CDH19: variants seen among roughly 807,000 people sequenced by gnomAD.
CDH19 encodes the protein cadherin-19.
A neutral mutation model predicts 64.2 loss-of-function variants in CDH19; 67 were observed. The ratio of observed to expected loss-of-function variants is 1.04; its 90% CI spans 0.86 to 1.28. CDH19 has a LOEUF of 1.28. Ranked by LOEUF, CDH19 falls within the 50% of genes most tolerant of loss-of-function variation. The pLI, the probability that CDH19 is intolerant of heterozygous loss-of-function variation, is 0.00. For synonymous variants in CDH19, 346 were observed against 319.3 expected, an observed-to-expected ratio of 1.08 and a Z score of -0.89; for missense variants, 1,030 against 929.0, an observed-to-expected ratio of 1.11 and a Z score of -1.41.
rs553040095 is a variant in CDH19 at position 66,503,476 on chromosome 18, T to G, written c.*1336A>C. ...AGTTGATCATAATATTTACAGTGAA[T>G]AGTAACTGAAGTTTGAATCCAGTAT... is the stretch of plus-strand genomic sequence containing the variant. On this transcript the variant is annotated 3_prime_UTR_variant, in exon 12 of 12. Coordinates refer to ENST00000262150, the MANE Select transcript of CDH19 (RefSeq NM_021153.4). The G allele has an allele frequency of 6.6e-6, 1 of 151,992 alleles. No homozygotes were observed. Among genetic ancestry groups the G allele is most frequent in the East Asian group, 1.9e-4 (1 of 5,172 alleles). The allele number at this position is 151,992 out of a possible 1,614,324, so 9.4% of individuals were successfully genotyped here.
chr18:66,554,856 A>G (rs566761539), intron 3 of CDH19, among the ~76,000 whole-genome samples: 1 of 151,984 alleles, frequency 6.6e-6, no homozygotes, highest in South Asian at 2.1e-4. Flanking sequence ...AAGGTGTATT[A>G]TTAGTGGAGA....
chr18:66,543,589 T>G (rs530045197), intron 7 of CDH19, among the ~76,000 whole-genome samples: 1 of 152,182 alleles, frequency 6.6e-6, no homozygotes, highest in South Asian at 2.1e-4. Context: ...TAACCTTGTT[T>G]AAATTTGCAC....
intron 3 of CDH19, among the ~76,000 whole-genome samples, chr18:66,563,389 C>A (rs776173067): frequency 6.6e-6 from 1 of 151,988 alleles, no homozygotes; most frequent in Non-Finnish European, 1.5e-5. Flanking sequence ...AATGGAAAAG[C>A]TATTTTTACA....
At chr18:66,589,066 T>G (rs1411793728) in intron 1 of CDH19, among the ~76,000 whole-genome samples, 1 of 151,868 alleles carries the variant, frequency 6.6e-6, no homozygotes, top group Admixed American at 6.6e-5. Context: ...ATCATGATGG[T>G]TTAACAAAAC....
At chr18:66,596,251 C>G (rs1370787821) in intron 1 of CDH19, 1 of 152,080 alleles carries the variant, frequency 6.6e-6, no homozygotes, top group Non-Finnish European at 1.5e-5. Flanking sequence ...AGAACTGGAA[C>G]AAGACAAGGA....
intron 1 of CDH19, among the ~76,000 whole-genome samples, chr18:66,575,148 A>G (rs1988228764): frequency 6.6e-6 from 1 of 151,856 alleles, no homozygotes; most frequent in African/African-American, 2.4e-5. Flanking sequence ...TTCAGAGGAT[A>G]AGCACAGACC....
intron 1 of CDH19, among the ~76,000 whole-genome samples, chr18:66,592,110 C>T (rs899213830): frequency 2.0e-5 from 3 of 151,858 alleles, no homozygotes; most frequent in Non-Finnish European, 2.9e-5. Flanking sequence ...CATATACATA[C>T]ATTTGAGCAT....
At chr18:66,508,634 T>G (rs1414953616) in intron 11 of CDH19, among the ~76,000 whole-genome samples, 1 of 151,920 alleles carries the variant, frequency 6.6e-6, no homozygotes, top group African/African-American at 2.4e-5. Flanking sequence ...CACTGAAGAT[T>G]GTCTCCTGGA....
chr18:66,572,305 C>T lies in CDH19; in HGVS notation c.-101G>A. 1 of 827,988 alleles carries T rather than the reference C, an allele frequency of 1.2e-6. No homozygotes were observed. The highest frequency in any genetic ancestry group is 2.6e-5 in the Admixed American group (1 of 39,024). 51.3% of individuals were successfully genotyped at this position (827,988 alleles called of 1,614,324 possible). The stretch of plus-strand genomic sequence containing the variant: ...TTATAATCTTTTCTGATTCTGTGTA[C>T]CTTCTATATACCTAAAGCGTCAGAA... On this transcript the variant is annotated 5_prime_UTR_variant, in exon 2 of 12. Transcript: ENST00000262150.
At position 66,554,363 on chromosome 18, in the gene CDH19, T is replaced by A. The variant is rs1315298152; in HGVS notation, c.610+42A>T. 1.9e-6 allele frequency: 3 copies of A among 1,603,488 alleles called. No individual in the cohort carries two copies. The East Asian group carries it at 6.7e-5, about 36-fold the overall frequency. On this transcript the variant is annotated intron_variant, in intron 4 of 11. Transcript: ENST00000262150. ...ATAATTTTTGCTGACAATTGCCTTC[T>A]TTAGAATCATGTTAAACTTTGCTTG...
At position 66,585,536 on chromosome 18, in the gene CDH19, A is replaced by T. The variant is rs181883918; in HGVS notation, c.-112-13220T>A. Among the ~76,000 whole-genome samples the T allele has an allele frequency of 2.0e-5, 3 of 152,208 alleles. 1 individual carries two copies. The highest frequency in any genetic ancestry group is 2.0e-4 in the Admixed American group (3 of 15,260). On this transcript the variant is annotated intron_variant, in intron 1 of 11. Coordinates refer to ENST00000262150, the MANE Select transcript of CDH19 (RefSeq NM_021153.4). ...ATGCCTCTCAAGGTCTGTGTTCTTG[A>T]TGAAATGAGTTGCTGCATCCAAAAT... is the stretch of plus-strand genomic sequence containing the variant.
intron 8 of CDH19, among the ~76,000 whole-genome samples, chr18:66,530,489 A>G (rs993372166): frequency 6.6e-6 from 1 of 152,034 alleles, no homozygotes; most frequent in Admixed American, 6.6e-5. Context: ...AAAAACAAAT[A>G]ATTAGAATCT....
chr18:66,576,875 G>A (rs1331023164), intron 1 of CDH19, among the ~76,000 whole-genome samples: 2 of 151,528 alleles, frequency 1.3e-5, no homozygotes, highest in Non-Finnish European at 3.0e-5. Flanking sequence ...AGGGTTGGAG[G>A]ATACACGGTC....
At chr18:66,505,562 T>TATATATATAATATA (rs552069076) in intron 11 of CDH19, among the ~76,000 whole-genome samples, 3 of 89,040 alleles carry the variant, frequency 3.4e-5, no homozygotes, top group Non-Finnish European at 7.6e-5. Flanking sequence ...TATATATTAA[T>TATATATATAATATA]ATATATATAA....
intron 11 of CDH19, among the ~76,000 whole-genome samples, chr18:66,505,762 A>G (rs538476698): frequency 7.4e-4 from 113 of 151,682 alleles, no homozygotes; most frequent in African/African-American, 2.7e-3. Flanking sequence ...GATGTTCCCT[A>G]TTGAAGCAAA....
Position 66,502,745 on chromosome 18 carries a change from G to C in CDH19, c.*2067C>G, listed in dbSNP as rs1366816761. ...TTTTTGCTCCTTTAAATTTTCTCTT[G>C]TTTGGTATTTTTCCTCTTTCCTAAT... On this transcript the variant is annotated 3_prime_UTR_variant, in exon 12 of 12. Coordinates refer to ENST00000262150, the MANE Select transcript of CDH19 (RefSeq NM_021153.4). 1 of 151,628 alleles carries C rather than the reference G, an allele frequency of 6.6e-6. No individual in the cohort carries two copies. The highest frequency in any genetic ancestry group is 1.9e-4 in the East Asian group (1 of 5,162). 9.4% of individuals were successfully genotyped at this position (151,628 alleles called of 1,614,324 possible). A position where few individuals can be genotyped will look rare whatever the true frequency, so the allele number is the denominator to read the frequency against.
rs756584577 is a variant in CDH19 at position 66,520,191 on chromosome 18, AAAAC to A, written c.1459-8510_1459-8507del. 9.2e-5 allele frequency among the ~76,000 whole-genome samples: 14 copies of A among 152,166 alleles called. No homozygotes were observed. In the South Asian group the frequency reaches 1.2e-3, roughly 14 times the overall value. On this transcript the variant is annotated intron_variant, in intron 9 of 11. Transcript: ENST00000262150. ...CACAGCCAGACTCTGTCTCAAACAAAAAACAAACAAACAAACAAAAAAGTGAGAA... is the reference window on the plus strand; with the variant it reads ...CACAGCCAGACTCTGTCTCAAACAAAAAACAAACAAACAAAAAAGTGAGAA...
At chr18:66,585,402 G>A (rs141650358) in intron 1 of CDH19, among the ~76,000 whole-genome samples, 1 of 152,064 alleles carries the variant, frequency 6.6e-6, no homozygotes, top group East Asian at 1.9e-4. Flanking sequence ...GAGCAAGGAT[G>A]GCTGAATAAC....
chr18:66,504,109 T>C lies in CDH19; in HGVS notation c.*703A>G, dbSNP rs1364766532. On this transcript the variant is annotated 3_prime_UTR_variant, in exon 12 of 12. Coordinates refer to ENST00000262150, the MANE Select transcript of CDH19 (RefSeq NM_021153.4). ...GGTTGAGCGTTTGCATTAGATGACATTGAAAAATAGTAGAGGAATATTTTA... is the reference window on the plus strand; with the variant it reads ...GGTTGAGCGTTTGCATTAGATGACACTGAAAAATAGTAGAGGAATATTTTA... 6.6e-6 allele frequency: 1 copy of C among 151,916 alleles called. No homozygotes were observed. The highest frequency in any genetic ancestry group is 1.5e-5 in the Non-Finnish European group (1 of 67,912). The allele number at this position is 151,916 out of a possible 1,614,324, so 9.4% of individuals were successfully genotyped here. A position where few individuals can be genotyped will look rare whatever the true frequency, so the allele number is the denominator to read the frequency against.
Sources: allele counts gnomAD v4.1 joint callset (sites outside exome capture counted in the v4.1 genomes callset), GRCh38; gene constraint gnomAD v4.1.1; transcripts MANE v1.5; gene names NCBI Gene and HGNC (gene_info 2026-07-23, HGNC 2026-07-21).